GRK5: variants seen among roughly 807,000 people sequenced by gnomAD.
GRK5 encodes the protein G protein-coupled receptor kinase 5, also known as g protein-coupled receptor kinase GRK5.
A neutral mutation model predicts 78.4 loss-of-function variants in GRK5; 40 were observed. That is an observed-to-expected ratio of 0.51 (90% CI 0.40 to 0.66). The LOEUF is 0.66. Among genes scored for constraint, GRK5 ranks in the 30% least tolerant of loss-of-function variants. The pLI is 0.00. For missense variants in GRK5, 598 were observed against 759.9 expected, an observed-to-expected ratio of 0.79 and a Z score of 2.50; for synonymous variants, 289 against 296.8, an observed-to-expected ratio of 0.97 and a Z score of 0.27.
chr10:119,448,044 T>G (rs1386288860), intron 12 of GRK5, 79 bp from the exon 13 acceptor site: 1 of 1,459,118 alleles, frequency 6.9e-7, no homozygotes, highest in Non-Finnish European at 9.0e-7. Context: ...CTAGGCATGG[T>G]GCAGACACTG....
chr10:119,425,033 T>C lies in GRK5; in HGVS notation c.481T>C (p.Tyr161His), dbSNP rs1363425843. Residue 161 changes from tyrosine to histidine, a missense_variant, in exon 6 of 16, where the codon TAT becomes CAT. By Grantham distance (83) the Tyr-to-His change is moderately conservative (BLOSUM62 2). Coordinates refer to ENST00000392870, the MANE Select transcript of GRK5 (RefSeq NM_005308.3). ...EYLRGEPFHE[Y>H]LDSMFFDRFL... ...CCTGAGGGGAGAACCATTCCACGAATATCTGGACAGCATGTTTTTTGACCG... is the reference window on the plus strand; with the variant it reads ...CCTGAGGGGAGAACCATTCCACGAACATCTGGACAGCATGTTTTTTGACCG... The C allele has an allele frequency of 6.2e-7, 1 of 1,614,090 alleles. No individual in the cohort carries two copies. Among genetic ancestry groups the C allele is most frequent in the Non-Finnish European group, 8.5e-7 (1 of 1,179,960 alleles).
chr10:119,306,870 TC>T (rs1850279873), intron 1 of GRK5, among the ~76,000 whole-genome samples: 1 of 151,970 alleles, frequency 6.6e-6, no homozygotes, highest in African/African-American at 2.4e-5. Context: ...GGGGGATGCT[TC>T]TTTGGGCTCG....
At chr10:119,280,924 C>T (rs540501097) in intron 1 of GRK5, among the ~76,000 whole-genome samples, 39 of 152,094 alleles carry the variant, frequency 2.6e-4, no homozygotes, top group African/African-American at 8.0e-4. Flanking sequence ...GGATTACAGG[C>T]GTGCGCCACC....
At chr10:119,394,021 GTGTT>G (rs1851932131) in intron 3 of GRK5, among the ~76,000 whole-genome samples, 1 of 149,472 alleles carries the variant, frequency 6.7e-6, no homozygotes, top group African/African-American at 2.5e-5. Flanking sequence ...GGGTGCGGGT[GTGTT>G]TGTGTGGATG....
chr10:119,307,140 T>G (rs1485554706), intron 1 of GRK5, among the ~76,000 whole-genome samples: 1 of 152,096 alleles, frequency 6.6e-6, no homozygotes, highest in African/African-American at 2.4e-5. Context: ...CATTGATGCC[T>G]ATATCTATGT....
rs1338518040 is a variant in GRK5 at position 119,457,098 on chromosome 10, A to G, written c.*2031A>G. The stretch of plus-strand genomic sequence containing the variant: ...CCACATTCAAGTCTTCCAAGGAAGT[A>G]GAAAACTCTTTGAATGGTATCTTAA... On this transcript the variant is annotated 3_prime_UTR_variant, in exon 16 of 16. Coordinates refer to ENST00000392870, the MANE Select transcript of GRK5 (RefSeq NM_005308.3). 6.6e-6 allele frequency: 1 copy of G among 152,236 alleles called. No individual in the cohort carries two copies. Among genetic ancestry groups the G allele is most frequent in the Non-Finnish European group, 1.5e-5 (1 of 68,044 alleles). 9.4% of individuals were successfully genotyped at this position (152,236 alleles called of 1,614,324 possible). A position where few individuals can be genotyped will look rare whatever the true frequency, so the allele number is the denominator to read the frequency against.
intron 9 of GRK5, among the ~76,000 whole-genome samples, chr10:119,438,282 A>T (rs1435001736): frequency 6.6e-6 from 1 of 152,110 alleles, no homozygotes. Context: ...GATGGGAGGG[A>T]GATCCCAAAA....
intron 1 of GRK5, among the ~76,000 whole-genome samples, chr10:119,281,747 C>G (rs1317016184): frequency 3.9e-5 from 6 of 152,340 alleles, no homozygotes; most frequent in South Asian, 4.1e-4. Context: ...ATCCCCGAGC[C>G]AGGCCATCAA....
At chr10:119,212,727 C>G (rs1207637645) in intron 1 of GRK5, 4 of 152,176 alleles carry the variant, frequency 2.6e-5, no homozygotes, top group African/African-American at 4.8e-5. Context: ...ATAGGTCATG[C>G]AACTCAGAGG....
rs779537209 is a variant in GRK5, at chr10:119,423,123, G to T, written c.340-43G>T. 2.9e-6 allele frequency: 4 copies of T among 1,370,676 alleles called. No individual in the cohort carries two copies. The African/African-American group carries it at 5.7e-5, about 19-fold the overall frequency. The allele number at this position is 1,370,676 out of a possible 1,614,324, so 84.9% of individuals were successfully genotyped here. On this transcript the variant is annotated intron_variant, in intron 4 of 15. Transcript: ENST00000392870. ...TGTGGGCAAACCCGGCCGCACTGCT[G>T]CTGGCTCCTCACTGACCACCTCCCT...
chr10:119,229,006 A>G (rs1848784461), intron 1 of GRK5, among the ~76,000 whole-genome samples: 1 of 152,144 alleles, frequency 6.6e-6, no homozygotes, highest in African/African-American at 2.4e-5. Flanking sequence ...CTGTAAATAC[A>G]CATCATTAAG....
At position 119,313,981 on chromosome 10, in the gene GRK5, G is replaced by A. The variant is rs147088069; in HGVS notation, c.53-12535G>A. ...CCGCAGGCCCCAGATGCCCCGGGCC[G>A]CCCCACGCGCCTCACACCATCCAGC... On this transcript the variant is annotated intron_variant, in intron 1 of 15. Coordinates refer to ENST00000392870, the MANE Select transcript of GRK5 (RefSeq NM_005308.3). Among the ~76,000 whole-genome samples the A allele has an allele frequency of 2.9e-4, 44 of 152,320 alleles. 1 individual carries two copies. Among genetic ancestry groups the A allele is most frequent in the Middle Eastern group, 3.4e-3 (1 of 294 alleles).
chr10:119,375,295 T>C (rs1442559103), intron 2 of GRK5, among the ~76,000 whole-genome samples: 1 of 152,098 alleles, frequency 6.6e-6, no homozygotes, highest in Admixed American at 6.5e-5. Flanking sequence ...TCCTTGCCCC[T>C]CCTCCCAGCC....
At chr10:119,330,454 G>A (rs1850755309) in intron 2 of GRK5, 1 of 151,022 alleles carries the variant, frequency 6.6e-6, no homozygotes, top group Admixed American at 6.6e-5. Context: ...ATTCATGATG[G>A]TTCCACCCTC....
chr10:119,434,853 G>A (rs1852889179), intron 8 of GRK5, among the ~76,000 whole-genome samples: 1 of 152,212 alleles, frequency 6.6e-6, no homozygotes, highest in South Asian at 2.1e-4. Flanking sequence ...CCTAGCAGAG[G>A]GTCTCCATGA....
At chr10:119,354,473 C>T (rs1306733638) in intron 2 of GRK5, among the ~76,000 whole-genome samples, 3 of 149,728 alleles carry the variant, frequency 2.0e-5, no homozygotes, top group Non-Finnish European at 4.4e-5. Context: ...GCAATCATGC[C>T]TCACTGCAGC....
intron 8 of GRK5, among the ~76,000 whole-genome samples, chr10:119,432,887 A>G (rs1852846815): frequency 6.6e-6 from 1 of 152,210 alleles, no homozygotes; most frequent in Non-Finnish European, 1.5e-5. Context: ...CCTGGCCAAC[A>G]TGGCAAAACC....
chr10:119,394,197 G>C (rs1402077832), intron 3 of GRK5, among the ~76,000 whole-genome samples: 1 of 26,450 alleles, frequency 3.8e-5, no homozygotes, highest in Non-Finnish European at 8.3e-5. Context: ...TGTGTATGGG[G>C]GTGTGTATCT....
chr10:119,343,048 C>T (rs1380914863), intron 2 of GRK5, among the ~76,000 whole-genome samples: 5 of 152,130 alleles, frequency 3.3e-5, no homozygotes, highest in Non-Finnish European at 7.4e-5. Context: ...CAGTGTGGGG[C>T]TGGGGGAGGG....
Sources: gnomAD v4.1 joint callset for allele counts (sites outside exome capture counted in the v4.1 genomes callset) on GRCh38, gnomAD v4.1.1 for gene constraint, MANE v1.5 for transcripts, NCBI Gene and HGNC (gene_info 2026-07-23, HGNC 2026-07-21) for gene names.